The following LARP1 variants were observed in gnomAD, a reference collection of about 807,000 sequenced individuals.
LARP1 encodes La ribonucleoprotein 1, translational regulator, also known as la-related protein 1.
A neutral mutation model predicts 122.7 loss-of-function variants in LARP1; 36 were observed. The observed-to-expected ratio is 0.29, with a 90% CI of 0.22 to 0.39. LARP1 has a LOEUF of 0.39. Among genes scored for constraint, LARP1 ranks in the 10% least tolerant of loss-of-function variants. The pLI, the probability that LARP1 is intolerant of heterozygous loss-of-function variation, is 1.00. For synonymous variants in LARP1, 539 were observed against 528.7 expected, an observed-to-expected ratio of 1.02 and a Z score of -0.27; for missense variants, 1,040 against 1,403.6, an observed-to-expected ratio of 0.74 and a Z score of 4.14.
At chr5:154,735,547 T>A (rs1047885136) in intron 1 of LARP1, among the ~76,000 whole-genome samples, 3 of 147,522 alleles carry the variant, frequency 2.0e-5, no homozygotes, top group African/African-American at 5.0e-5. Context: ...ATTTTTATTT[T>A]TATTTATTTA....
At chr5:154,788,105 A>G (rs1757032833) in intron 1 of LARP1, among the ~76,000 whole-genome samples, 1 of 152,186 alleles carries the variant, frequency 6.6e-6, no homozygotes, top group Non-Finnish European at 1.5e-5. Context: ...TACTGGGAGA[A>G]GTGATTACCA....
intron 1 of LARP1, among the ~76,000 whole-genome samples, chr5:154,760,064 A>C (rs190545166): frequency 1.3e-5 from 2 of 151,890 alleles, no homozygotes; most frequent in African/African-American, 4.8e-5. Context: ...CTCAGCCTTG[A>C]GAGTAGCTGG....
chr5:154,756,642 T>A (rs986699730), intron 1 of LARP1: 8 of 355,678 alleles, frequency 2.2e-5, no homozygotes, highest in Non-Finnish European at 3.2e-5. Flanking sequence ...AATGAGCATA[T>A]GTCACGGGCA....
intron 8 of LARP1, among the ~76,000 whole-genome samples, chr5:154,795,992 ATTT>A (rs1165091987): frequency 3.0e-5 from 3 of 101,322 alleles, no homozygotes; most frequent in African/African-American, 1.2e-4. Context: ...TATATTATAT[ATTT>A]TTATATATAT....
intron 1 of LARP1, among the ~76,000 whole-genome samples, chr5:154,774,820 A>C (rs1353436177): frequency 1.3e-5 from 2 of 152,250 alleles, no homozygotes; most frequent in East Asian, 3.9e-4. Context: ...CCGTCTGGTC[A>C]CTTCTTTTAC....
chr5:154,745,819 C>T (rs1415079852), intron 1 of LARP1, among the ~76,000 whole-genome samples: 3 of 146,486 alleles, frequency 2.0e-5, no homozygotes, highest in Admixed American at 1.4e-4. Context: ...TTTCTTGAGA[C>T]GAAGTCTCAC....
intron 1 of LARP1, among the ~76,000 whole-genome samples, chr5:154,703,864 G>A (rs1754831093): frequency 1.3e-5 from 2 of 152,064 alleles, no homozygotes; most frequent in South Asian, 2.1e-4. Flanking sequence ...CAGGTGATCC[G>A]CCCTCCTCAG....
chr5:154,814,335 T>A lies in LARP1; in HGVS notation c.*239T>A, dbSNP rs1412517608. On this transcript the variant is annotated 3_prime_UTR_variant, in exon 19 of 19. Coordinates refer to ENST00000518297, the MANE Select transcript of LARP1 (RefSeq NM_033551.3). ...TGACTCTTGACATCCTAGCTTCTTC[T>A]AAGGGGGGAGGGAAAGGGGGGAGAT... 1 of 368,566 alleles carries A rather than the reference T, an allele frequency of 2.7e-6. No homozygotes were observed. The highest frequency in any genetic ancestry group is 4.9e-6 in the Non-Finnish European group (1 of 202,808). The allele number at this position is 368,566 out of a possible 1,614,324, so 22.8% of individuals were successfully genotyped here.
exon 1 of LARP1, chr5:154,712,881 T>G (rs770527751): frequency 1.3e-6 from 2 of 1,570,690 alleles, no homozygotes; most frequent in Non-Finnish European, 1.8e-6. Context: ...TGGATGTACC[T>G]AAACCCTCCA....
intron 1 of LARP1, among the ~76,000 whole-genome samples, chr5:154,776,444 T>C (rs1379340072): frequency 6.6e-6 from 1 of 152,210 alleles, no homozygotes; most frequent in African/African-American, 2.4e-5. Flanking sequence ...TGCACCTCTC[T>C]TCTGGCTGCT....
At chr5:154,763,054 CTT>C (rs147728579) in intron 1 of LARP1, among the ~76,000 whole-genome samples, 11,832 of 129,764 alleles carry the variant, frequency 0.091, 360 homozygotes, top group Admixed American at 0.15. Flanking sequence ...TGAGCAGATG[CTT>C]TTTTTTTTTT....
In LARP1 at chr5:154,814,282, C is replaced by T; in HGVS notation, c.*186C>T. 1.8e-6 allele frequency: 1 copy of T among 567,816 alleles called. No individual in the cohort carries two copies. The highest frequency in any genetic ancestry group is 3.1e-6 in the Non-Finnish European group (1 of 317,768). The allele number at this position is 567,816 out of a possible 1,614,324, so 35.2% of individuals were successfully genotyped here. On this transcript the variant is annotated 3_prime_UTR_variant, in exon 19 of 19. Transcript: ENST00000518297. The stretch of plus-strand genomic sequence containing the variant: ...CAGAGGTACCCCTGGGCAGGAGCCT[C>T]TACATCCCCTTCCCCCTCCTCTCTC...
chr5:154,707,042 T>C (rs748891177), intron 1 of LARP1, among the ~76,000 whole-genome samples: 1 of 152,220 alleles, frequency 6.6e-6, no homozygotes, highest in Non-Finnish European at 1.5e-5. Context: ...TGCTTTTGTC[T>C]GTCTCTTAAT....
At chr5:154,698,620 A>C (rs1754581478) in intron 1 of LARP1, among the ~76,000 whole-genome samples, 1 of 152,140 alleles carries the variant, frequency 6.6e-6, no homozygotes, top group South Asian at 2.1e-4. Flanking sequence ...TAAATAAATA[A>C]AAATTGATTG....
In LARP1 at chr5:154,791,952, C is replaced by T. The variant is rs181206054; in HGVS notation, c.565-670C>T. 10 of 456,116 alleles carry T rather than the reference C, an allele frequency of 2.2e-5. No individual in the cohort carries two copies. In the Admixed American group the frequency reaches 2.3e-4, roughly 11 times the overall value. 28.3% of individuals were successfully genotyped at this position (456,116 alleles called of 1,614,324 possible). On this transcript the variant is annotated intron_variant, in intron 3 of 18. Coordinates refer to ENST00000518297, the MANE Select transcript of LARP1 (RefSeq NM_033551.3). ...TATAATCCCCATTTTACAGATGAAG[C>T]TGCTGAGACTTGCAGAGGTTAATTA...
chr5:154,769,004 A>T (rs914663185), intron 1 of LARP1, among the ~76,000 whole-genome samples: 1 of 151,916 alleles, frequency 6.6e-6, no homozygotes, highest in African/African-American at 2.4e-5. Context: ...CGCCTGGCTA[A>T]TTTTTTGTAT....
At chr5:154,812,448 T>C (rs910845280) in intron 18 of LARP1, among the ~76,000 whole-genome samples, 3 of 148,650 alleles carry the variant, frequency 2.0e-5, no homozygotes, top group African/African-American at 2.5e-5. Flanking sequence ...GGGAAGCAAA[T>C]ACATCCTTCT....
intron 1 of LARP1, among the ~76,000 whole-genome samples, chr5:154,746,440 G>T (rs1328437798): frequency 6.6e-6 from 1 of 152,192 alleles, no homozygotes; most frequent in African/African-American, 2.4e-5. Context: ...ACCATGGAAT[G>T]CTTAAACATG....
chr5:154,740,254 G>T (rs527704540), intron 1 of LARP1, among the ~76,000 whole-genome samples: 33 of 152,128 alleles, frequency 2.2e-4, no homozygotes, highest in Non-Finnish European at 3.7e-4. Flanking sequence ...TTAGCCAGGC[G>T]TGGTGGCACA....
Sources: allele counts gnomAD v4.1 joint callset (sites outside exome capture counted in the v4.1 genomes callset), GRCh38; gene constraint gnomAD v4.1.1; transcripts MANE v1.5; gene names NCBI Gene and HGNC (gene_info 2026-07-23, HGNC 2026-07-21).